The following TASP1 variants were observed in gnomAD, a reference collection of about 807,000 sequenced individuals.
TASP1 encodes taspase 1, also known as threonine aspartase 1.
Under a neutral mutation model 56.6 loss-of-function variants are expected in TASP1, and 16 were observed. That is an observed-to-expected ratio of 0.28 (90% CI 0.19 to 0.43). The LOEUF (loss-of-function observed/expected upper bound fraction) is 0.43. Among genes scored for constraint, TASP1 ranks in the 20% least tolerant of loss-of-function variants. TASP1 has a pLI of 1.00. For missense variants in TASP1, 393 were observed against 511.6 expected, an observed-to-expected ratio of 0.77 and a Z score of 2.24; for synonymous variants, 179 against 184.2, an observed-to-expected ratio of 0.97 and a Z score of 0.23.
intron 10 of TASP1, among the ~76,000 whole-genome samples, chr20:13,508,191 T>C (rs781065952): frequency 5.8e-5 from 5 of 86,040 alleles, no homozygotes; most frequent in Non-Finnish European, 1.1e-4. Context: ...TTGGAAATGA[T>C]TTTTTTTTTT....
chr20:13,519,148 T>C lies in TASP1; in HGVS notation c.874+9285A>G, dbSNP rs147733410. Among the ~76,000 whole-genome samples, 59 of 152,056 alleles carry C rather than the reference T, an allele frequency of 3.9e-4. No individual in the cohort carries two copies. The East Asian group carries it at 0.01, about 26-fold the overall frequency. On this transcript the variant is annotated intron_variant, in intron 10 of 13. Coordinates refer to ENST00000337743, the MANE Select transcript of TASP1 (RefSeq NM_017714.3). ...CATTGGGTACACATGGACATAAAGA[T>C]AGGAACAATAGACAATGAGGACTAC...
chr20:13,602,481 C>G (rs2047999577), intron 4 of TASP1, among the ~76,000 whole-genome samples: 1 of 152,116 alleles, frequency 6.6e-6, no homozygotes, highest in Non-Finnish European at 1.5e-5. Context: ...ACAAATGTAC[C>G]TGCTAATTAA....
intron 1 of TASP1, among the ~76,000 whole-genome samples, chr20:13,637,492 G>C (rs889633927): frequency 3.3e-5 from 5 of 152,148 alleles, no homozygotes; most frequent in Non-Finnish European, 7.3e-5. Context: ...CAACCTAAAT[G>C]TCCATCGACC....
At chr20:13,429,556 A>G (rs779332666) in intron 12 of TASP1, among the ~76,000 whole-genome samples, 10 of 151,938 alleles carry the variant, frequency 6.6e-5, no homozygotes, top group Non-Finnish European at 1.2e-4. Flanking sequence ...GCCATTTCCC[A>G]TCAAGTTAGG....
Position 13,456,029 on chromosome 20 carries a change from T to C in TASP1, c.986-20875A>G, listed in dbSNP as rs530616634. Among the ~76,000 whole-genome samples, 34 of 152,224 alleles carry C rather than the reference T, an allele frequency of 2.2e-4. 1 individual carries two copies. In the South Asian group the frequency reaches 6.6e-3, roughly 30 times the overall value. On this transcript the variant is annotated intron_variant, in intron 11 of 13. Transcript: ENST00000337743. ...GAATTTTAAACAAGCGGGATCAAGA[T>C]CCTCAAGCACTTCTTCAAAGAACTA...
intron 11 of TASP1, among the ~76,000 whole-genome samples, chr20:13,460,844 C>T (rs561064791): frequency 6.6e-6 from 1 of 152,278 alleles, no homozygotes; most frequent in East Asian, 1.9e-4. Context: ...CTAATAGCCT[C>T]CTATCTAGTC....
chr20:13,351,511 C>T, the TASP1 span, among the ~76,000 whole-genome samples: 2 of 152,148 alleles, frequency 1.3e-5, no homozygotes, highest in Non-Finnish European at 2.9e-5. Context: ...TAAAGGCATT[C>T]GCTGCATAAA....
the TASP1 span, among the ~76,000 whole-genome samples, chr20:13,236,348 G>A: frequency 6.6e-6 from 1 of 152,124 alleles, no homozygotes; most frequent in African/African-American, 2.4e-5. Flanking sequence ...GAGTTAGCAT[G>A]GGAAAGACTG....
the TASP1 span, among the ~76,000 whole-genome samples, chr20:13,214,586 G>GAGAGAGAGAGAGAGAGAGAC: frequency 5.3e-5 from 8 of 150,538 alleles, no homozygotes; most frequent in South Asian, 6.4e-4. Flanking sequence ...GAGAGAGAGA[G>GAGAGAGAGAGAGAGAGAGAC]AGACAGAAAG....
intron 4 of TASP1, among the ~76,000 whole-genome samples, chr20:13,622,937 C>G (rs1468080552): frequency 6.6e-6 from 1 of 152,052 alleles, no homozygotes; most frequent in Non-Finnish European, 1.5e-5. Flanking sequence ...AACGTGAGAG[C>G]CTCCCCACTC....
At chr20:13,323,082 C>T in the TASP1 span, among the ~76,000 whole-genome samples, 1 of 152,060 alleles carries the variant, frequency 6.6e-6, no homozygotes, top group African/African-American at 2.4e-5. Context: ...CATTGTGTCA[C>T]AGCGTCTCGG....
chr20:13,286,310 C>A, the TASP1 span, among the ~76,000 whole-genome samples: 1 of 151,674 alleles, frequency 6.6e-6, no homozygotes, highest in African/African-American at 2.4e-5. Context: ...AGACACCAGA[C>A]TGCAAAGTTC....
the TASP1 span, among the ~76,000 whole-genome samples, chr20:13,272,512 TC>T: frequency 6.6e-6 from 1 of 152,214 alleles, no homozygotes; most frequent in Admixed American, 6.5e-5. Flanking sequence ...AAGCACTGTG[TC>T]CCAAGGGGGT....
the TASP1 span, among the ~76,000 whole-genome samples, chr20:13,379,499 C>T: frequency 6.6e-6 from 1 of 152,112 alleles, no homozygotes. Flanking sequence ...TCTCTGGCTA[C>T]CCTTAATATT....
intron 2 of TASP1, among the ~76,000 whole-genome samples, chr20:13,627,020 A>C: frequency 6.6e-6 from 1 of 151,642 alleles, no homozygotes; most frequent in Non-Finnish European, 1.5e-5. Context: ...GTTAAACTTC[A>C]ATTACAGTGT....
chr20:13,307,319 A>G, the TASP1 span, among the ~76,000 whole-genome samples: 3 of 152,210 alleles, frequency 2.0e-5, no homozygotes, highest in African/African-American at 7.2e-5. Flanking sequence ...TCAGAAAAGC[A>G]CACACGTATC....
the TASP1 span, chr20:13,298,843 CG>C: frequency 8.4e-7 from 1 of 1,197,058 alleles, no homozygotes; most frequent in Non-Finnish European, 1.2e-6. Flanking sequence ...TGTCCTCCTG[CG>C]GGCCCTCAGG....
intron 6 of TASP1, among the ~76,000 whole-genome samples, chr20:13,569,972 G>A (rs1348295450): frequency 6.6e-6 from 1 of 152,094 alleles, no homozygotes; most frequent in Non-Finnish European, 1.5e-5. Flanking sequence ...AATGCCTTCA[G>A]ATTTGGCATT....
At chr20:13,221,007 C>T in the TASP1 span, among the ~76,000 whole-genome samples, 3 of 152,144 alleles carry the variant, frequency 2.0e-5, no homozygotes, top group East Asian at 2.0e-4. Context: ...CGAGGGCGCC[C>T]CGGCTACCGC....
Sources: gnomAD v4.1 joint callset for allele counts (sites outside exome capture counted in the v4.1 genomes callset) on GRCh38, gnomAD v4.1.1 for gene constraint, MANE v1.5 for transcripts, NCBI Gene and HGNC (gene_info 2026-07-23, HGNC 2026-07-21) for gene names.